FBXL7: variants seen among roughly 807,000 people sequenced by gnomAD.
FBXL7 encodes the protein F-box/LRR-repeat protein 7.
In FBXL7, 12 loss-of-function variants were observed where a neutral mutation model predicts 38.3. The observed-to-expected ratio is 0.31, with a 90% CI of 0.20 to 0.51. The LOEUF (loss-of-function observed/expected upper bound fraction) is 0.51, where lower values mean the gene tolerates loss of function less well. FBXL7 is among the 20% of genes least tolerant of loss of function. FBXL7 has a pLI of 0.98. For missense variants in FBXL7, 567 were observed against 676.4 expected, an observed-to-expected ratio of 0.84 and a Z score of 1.79; for synonymous variants, 297 against 300.9, an observed-to-expected ratio of 0.99 and a Z score of 0.13.
At chr5:15,695,463 C>A (rs891187662) in intron 2 of FBXL7, among the ~76,000 whole-genome samples, 2 of 152,164 alleles carry the variant, frequency 1.3e-5, no homozygotes, top group Non-Finnish European at 2.9e-5. Context: ...GCCAGAGCCT[C>A]ACCCAGTTCC....
At chr5:15,563,435 A>G (rs771764365) in intron 1 of FBXL7, among the ~76,000 whole-genome samples, 2 of 152,096 alleles carry the variant, frequency 1.3e-5, no homozygotes, top group Admixed American at 1.3e-4. Context: ...GCCTTCTGAC[A>G]TTTGTTGAGT....
chr5:15,815,653 C>T (rs956375350), intron 2 of FBXL7, among the ~76,000 whole-genome samples: 15 of 152,106 alleles, frequency 9.9e-5, no homozygotes, highest in Non-Finnish European at 2.1e-4. Flanking sequence ...AAATAAAATA[C>T]AGGATTTATA....
chr5:15,616,550 TTTATTA>T (rs1275822491), intron 2 of FBXL7, among the ~76,000 whole-genome samples: 1 of 152,188 alleles, frequency 6.6e-6, no homozygotes, highest in African/African-American at 2.4e-5. Context: ...AGGGGGTTTC[TTTATTA>T]TTATTAAAGA....
chr5:15,822,605 C>A (rs1738200147), intron 2 of FBXL7, among the ~76,000 whole-genome samples: 3 of 147,384 alleles, frequency 2.0e-5, no homozygotes, highest in East Asian at 4.0e-4. Context: ...ACCGGATGAA[C>A]ATTTGAGCTG....
At chr5:15,590,631 G>A (rs1443117359) in intron 1 of FBXL7, among the ~76,000 whole-genome samples, 1 of 151,820 alleles carries the variant, frequency 6.6e-6, no homozygotes, top group Non-Finnish European at 1.5e-5. Context: ...ATTTTCTATT[G>A]TGTAACTTTC....
intron 2 of FBXL7, among the ~76,000 whole-genome samples, chr5:15,736,440 T>C (rs1436891729): frequency 4.6e-5 from 7 of 152,200 alleles, no homozygotes; most frequent in Non-Finnish European, 8.8e-5. Context: ...CTCATAAATA[T>C]TACAATATTG....
Position 15,670,827 on chromosome 5 carries a change from A to T in FBXL7, c.127+54755A>T, listed in dbSNP as rs189876709. ...AAAAAAATAAAAATAAAAATAAAAAAAAAATAAATAAAAAGTTAGTGGAAT... is the reference window on the plus strand; with the variant it reads ...AAAAAAATAAAAATAAAAATAAAAATAAAATAAATAAAAAGTTAGTGGAAT... On this transcript the variant is annotated intron_variant, in intron 2 of 3. Coordinates refer to ENST00000504595, the MANE Select transcript of FBXL7 (RefSeq NM_012304.5). Among the ~76,000 whole-genome samples the T allele has an allele frequency of 6.0e-3, 919 of 151,978 alleles. 11 individuals carry two copies. Among genetic ancestry groups the T allele is most frequent in the African/African-American group, 0.017 (718 of 41,486 alleles).
At chr5:15,565,020 A>G (rs966330470) in intron 1 of FBXL7, among the ~76,000 whole-genome samples, 1 of 152,150 alleles carries the variant, frequency 6.6e-6, no homozygotes, top group Non-Finnish European at 1.5e-5. Context: ...AAAACCAAAC[A>G]TTTATAGGTG....
rs916420702 is a variant in FBXL7 at position 15,937,327 on chromosome 5, T to C, written c.*141T>C. 9.2e-7 allele frequency: 1 copy of C among 1,083,624 alleles called. No individual in the cohort carries two copies. The highest frequency in any genetic ancestry group is 2.9e-5 in the Admixed American group (1 of 34,072). 67.1% of individuals were successfully genotyped at this position (1,083,624 alleles called of 1,614,324 possible). A position where few individuals can be genotyped will look rare whatever the true frequency, so the allele number is the denominator to read the frequency against. On this transcript the variant is annotated 3_prime_UTR_variant, in exon 4 of 4. Transcript: ENST00000504595. ...GTTATTAGGAATCTGGCCTTTATTT[T>C]TCCTCATTTCTCATGGGCAACAGAG...
At chr5:15,760,891 A>G (rs1736422741) in intron 2 of FBXL7, among the ~76,000 whole-genome samples, 2 of 152,182 alleles carry the variant, frequency 1.3e-5, no homozygotes, top group African/African-American at 4.8e-5. Flanking sequence ...CAAATGGGAA[A>G]TATTGCAGAA....
intron 2 of FBXL7, among the ~76,000 whole-genome samples, chr5:15,695,823 T>C (rs7707563): frequency 0.7 from 105,736 of 152,016 alleles, 37,530 homozygotes; most frequent in East Asian, 0.83. Flanking sequence ...AGATCAAGCT[T>C]TTAACCCCTA....
chr5:15,733,685 C>T (rs778909315), intron 2 of FBXL7, among the ~76,000 whole-genome samples: 2 of 152,060 alleles, frequency 1.3e-5, no homozygotes, highest in African/African-American at 2.4e-5. Context: ...GCAGTGGTAG[C>T]GGCAAGCTTC....
intron 2 of FBXL7, among the ~76,000 whole-genome samples, chr5:15,666,087 C>T (rs932475060): frequency 3.9e-5 from 6 of 152,014 alleles, no homozygotes; most frequent in African/African-American, 1.4e-4. Flanking sequence ...ATGACTGAGT[C>T]CAGAGACCAT....
At chr5:15,604,144 G>A (rs1739912503) in intron 1 of FBXL7, among the ~76,000 whole-genome samples, 1 of 152,100 alleles carries the variant, frequency 6.6e-6, no homozygotes, top group Non-Finnish European at 1.5e-5. Context: ...TGCAGCCTGG[G>A]CAACAGAGTG....
chr5:15,556,491 T>A (rs889053837), intron 1 of FBXL7, among the ~76,000 whole-genome samples: 1 of 152,122 alleles, frequency 6.6e-6, no homozygotes, highest in Admixed American at 6.5e-5. Flanking sequence ...TGCCCAGAAA[T>A]AAAGTTTTAC....
intron 2 of FBXL7, among the ~76,000 whole-genome samples, chr5:15,806,384 T>C (rs1737712503): frequency 6.6e-6 from 1 of 151,114 alleles, no homozygotes; most frequent in South Asian, 2.1e-4. Context: ...CTTTGACAAG[T>C]GTAAAAACAA....
intron 1 of FBXL7, among the ~76,000 whole-genome samples, chr5:15,609,895 G>A (rs1740169294): frequency 6.6e-6 from 1 of 152,196 alleles, no homozygotes; most frequent in Non-Finnish European, 1.5e-5. Context: ...TTGCGCTGCT[G>A]ATAAAGACAT....
intron 2 of FBXL7, among the ~76,000 whole-genome samples, chr5:15,623,091 CT>C (rs879397169): frequency 6.6e-6 from 1 of 152,186 alleles, no homozygotes; most frequent in Admixed American, 6.5e-5. Context: ...AAAAACATAA[CT>C]TTCGCTATTT....
chr5:15,832,869 C>T (rs1296147411), intron 2 of FBXL7, among the ~76,000 whole-genome samples: 1 of 152,004 alleles, frequency 6.6e-6, no homozygotes, highest in Non-Finnish European at 1.5e-5. Context: ...ATTGTAGCTC[C>T]TACAATTCCC....
Sources: allele counts gnomAD v4.1 joint callset (sites outside exome capture counted in the v4.1 genomes callset), GRCh38; gene constraint gnomAD v4.1.1; transcripts MANE v1.5; gene names NCBI Gene and HGNC (gene_info 2026-07-23, HGNC 2026-07-21).